FKBP9: variants seen among roughly 807,000 people sequenced by gnomAD.
FKBP9 encodes the protein peptidyl-prolyl cis-trans isomerase FKBP9.
A neutral mutation model predicts 55.6 loss-of-function variants in FKBP9; 27 were observed. The observed-to-expected ratio is 0.49, with a 90% confidence interval of 0.36 to 0.67. FKBP9 has a LOEUF of 0.67. Among genes scored for constraint, FKBP9 ranks in the 30% least tolerant of loss-of-function variants. FKBP9 has a pLI of 0.00. For synonymous variants in FKBP9, 267 were observed against 296.5 expected (o/e 0.90, Z 1.02); for missense variants, 539 against 742.8 (o/e 0.73, Z 3.19).
chr7:32,979,479 G>A (rs1413093324), intron 4 of FKBP9: 4 of 1,538,674 alleles, frequency 2.6e-6, no homozygotes, highest in Non-Finnish European at 3.5e-6. Context: ...ATGGGAAGGA[G>A]ATGCAGGGTG....
chr7:32,999,179 G>A (rs1377987050), intron 7 of FKBP9, among the ~76,000 whole-genome samples: 2 of 152,126 alleles, frequency 1.3e-5, no homozygotes, highest in African/African-American at 4.8e-5. Context: ...AGCTGGAGGA[G>A]GGAAAGAAGT....
chr7:32,965,812 A>AAAAAAAATAT (rs1554284289), intron 1 of FKBP9, among the ~76,000 whole-genome samples: 2 of 34,936 alleles, frequency 5.7e-5, no homozygotes, highest in African/African-American at 2.4e-4. Flanking sequence ...AAAAAAAAAA[A>AAAAAAAATAT]ATATATATAT....
intron 4 of FKBP9, 31 bp from the exon 5 acceptor site, chr7:32,980,333 C>T (rs572492412): frequency 1.3e-5 from 21 of 1,579,182 alleles, no homozygotes; most frequent in South Asian, 3.4e-5. Context: ...TCCTGTGTCC[C>T]GTTTAATCAT....
intron 1 of FKBP9, among the ~76,000 whole-genome samples, chr7:32,964,829 T>C (rs1784100841): frequency 6.6e-6 from 1 of 152,188 alleles, no homozygotes; most frequent in African/African-American, 2.4e-5. Context: ...AGCCAAACTC[T>C]GCCTCCCTGC....
chr7:32,996,896 G>A (rs1482865035), intron 7 of FKBP9, among the ~76,000 whole-genome samples: 5 of 143,984 alleles, frequency 3.5e-5, no homozygotes, highest in Non-Finnish European at 7.5e-5. Context: ...CCGGGTTCAC[G>A]CCATTCTCCT....
At chr7:32,960,084 G>A (rs919586485) in intron 1 of FKBP9, among the ~76,000 whole-genome samples, 2 of 150,468 alleles carry the variant, frequency 1.3e-5, no homozygotes, top group Non-Finnish European at 2.9e-5. Flanking sequence ...AGTTCTCCAC[G>A]GTCTCAACAA....
intron 1 of FKBP9, among the ~76,000 whole-genome samples, chr7:32,973,335 A>G (rs565943378): frequency 4.0e-4 from 61 of 152,246 alleles, no homozygotes; most frequent in African/African-American, 1.3e-3. Context: ...CCTTTAAAAC[A>G]CGTATATTAG....
chr7:32,969,913 T>C (rs1784220449), intron 1 of FKBP9, among the ~76,000 whole-genome samples: 1 of 151,990 alleles, frequency 6.6e-6, no homozygotes, highest in African/African-American at 2.4e-5. Flanking sequence ...CGAGGCAGAA[T>C]TGCTTGAACC....
chr7:32,968,949 T>G (rs915134597), intron 1 of FKBP9, among the ~76,000 whole-genome samples: 2 of 152,196 alleles, frequency 1.3e-5, no homozygotes, highest in Admixed American at 1.3e-4. Context: ...TGAGCCACCA[T>G]GCCTGGCCTG....
intron 9 of FKBP9, among the ~76,000 whole-genome samples, chr7:33,004,050 G>T (rs765885065): frequency 6.6e-6 from 1 of 152,012 alleles, no homozygotes; most frequent in Non-Finnish European, 1.5e-5. Flanking sequence ...GGCCTCCAGT[G>T]GCTCAGGCGA....
intron 1 of FKBP9, among the ~76,000 whole-genome samples, chr7:32,965,854 G>C (rs59520755): frequency 0.78 from 72,206 of 92,192 alleles, 28,701 homozygotes; most frequent in South Asian, 0.85. Flanking sequence ...TGTGTGTACA[G>C]ATATATATAT....
intron 1 of FKBP9, among the ~76,000 whole-genome samples, chr7:32,966,885 C>T (rs954360770): frequency 5.3e-5 from 8 of 152,144 alleles, no homozygotes; most frequent in Non-Finnish European, 7.4e-5. Flanking sequence ...GAGGGGATGG[C>T]GCTAAGCCCT....
intron 7 of FKBP9, among the ~76,000 whole-genome samples, chr7:32,996,923 T>C (rs1302891178): frequency 2.0e-5 from 3 of 150,832 alleles, no homozygotes; most frequent in Non-Finnish European, 4.4e-5. Flanking sequence ...GCCTCCCTAG[T>C]AGCTGGGACT....
At chr7:32,990,266 G>A (rs566308585) in intron 6 of FKBP9, among the ~76,000 whole-genome samples, 46 of 152,138 alleles carry the variant, frequency 3.0e-4, no homozygotes, top group Non-Finnish European at 5.4e-4. Flanking sequence ...GGTCAGACCG[G>A]GGAAAAAGTG....
chr7:32,979,565 A>G, intron 4 of FKBP9: 1 of 1,550,324 alleles, frequency 6.5e-7, no homozygotes, highest in Non-Finnish European at 8.7e-7. Context: ...ACTCCTTTGC[A>G]TGATATAACA....
At chr7:32,989,309 A>T (rs1300178953) in intron 6 of FKBP9, among the ~76,000 whole-genome samples, 2 of 152,148 alleles carry the variant, frequency 1.3e-5, no homozygotes, top group African/African-American at 4.8e-5. Flanking sequence ...CTCATACCAC[A>T]CTTCCTTTTA....
chr7:32,979,707 G>A (rs1401400427), intron 4 of FKBP9: 2 of 765,564 alleles, frequency 2.6e-6, no homozygotes, highest in African/African-American at 1.7e-5. Context: ...CTCTTCATGT[G>A]GATTTCATTT....
chr7:32,996,036 G>C, intron 6 of FKBP9, 127 bp from the exon 7 acceptor site: 3 of 694,396 alleles, frequency 4.3e-6, no homozygotes, highest in Non-Finnish European at 7.7e-6. Context: ...GTCCTCCTAG[G>C]GTTCTGTATC....
At chr7:32,965,847 G>GTACACATATATATATATATATA (rs1323725996) in intron 1 of FKBP9, among the ~76,000 whole-genome samples, 1 of 34,906 alleles carries the variant, frequency 2.9e-5, no homozygotes, top group African/African-American at 1.4e-4. Context: ...ATATATATGT[G>GTACACATATATATATATATATA]TGTACAGATA....
Sources: allele counts gnomAD v4.1 joint callset (sites outside exome capture counted in the v4.1 genomes callset), GRCh38; gene constraint gnomAD v4.1.1; transcripts MANE v1.5; gene names NCBI Gene and HGNC (gene_info 2026-07-23, HGNC 2026-07-21).